The following PDGFD variants were observed in gnomAD, a reference collection of about 807,000 sequenced individuals.
The protein encoded by PDGFD is platelet derived growth factor D, also known as platelet-derived growth factor D.
A neutral mutation model predicts 44.7 loss-of-function variants in PDGFD; 30 were observed. The observed-to-expected ratio is 0.67, with a 90% CI of 0.50 to 0.91. The LOEUF (loss-of-function observed/expected upper bound fraction) is 0.91, where lower values mean the gene tolerates loss of function less well. Ranked by LOEUF, PDGFD falls within the 40% of genes least tolerant of loss-of-function variation. The pLI is 0.00. For synonymous variants in PDGFD, 173 were observed against 168.4 expected (o/e 1.03, Z -0.21); for missense variants, 445 against 457.8 (o/e 0.97, Z 0.25).
chr11:103,953,386 GA>G (rs958207788), intron 3 of PDGFD, among the ~76,000 whole-genome samples: 4 of 152,066 alleles, frequency 2.6e-5, no homozygotes, highest in East Asian at 1.9e-4. Flanking sequence ...AATATTGCTA[GA>G]AAAAAATGTA....
At chr11:104,045,816 A>T (rs1860432859) in intron 1 of PDGFD, among the ~76,000 whole-genome samples, 1 of 147,214 alleles carries the variant, frequency 6.8e-6, no homozygotes, top group Non-Finnish European at 1.5e-5. Flanking sequence ...GACTGCAAAA[A>T]GGGGTGAGGT....
rs144778420 is a variant in PDGFD, at chr11:104,076,651, C to T, written c.125-76396G>A. ...AGGCTCACATCCAGTAACTGTGACA[C>T]ATTCGTTCTGAAAGGCTAGTTAAAA... On this transcript the variant is annotated intron_variant, in intron 1 of 6. Coordinates refer to ENST00000393158, the MANE Select transcript of PDGFD (RefSeq NM_025208.5). 2.0e-3 allele frequency among the ~76,000 whole-genome samples: 304 copies of T among 152,212 alleles called. 3 individuals carry two copies. In the Middle Eastern group the frequency reaches 0.02, roughly 10 times the overall value.
At chr11:103,951,603 T>C (rs1858758581) in intron 3 of PDGFD, among the ~76,000 whole-genome samples, 1 of 152,192 alleles carries the variant, frequency 6.6e-6, no homozygotes, top group Non-Finnish European at 1.5e-5. Context: ...CCTCCACTCC[T>C]GCTACACTGG....
chr11:103,928,177 G>A (rs376173430), intron 5 of PDGFD, among the ~76,000 whole-genome samples: 8 of 152,268 alleles, frequency 5.3e-5, no homozygotes, highest in Admixed American at 1.3e-4. Context: ...ATTTGATTTC[G>A]TGTTCTCCAA....
chr11:104,019,195 G>C (rs1441226164), intron 1 of PDGFD, among the ~76,000 whole-genome samples: 2 of 152,162 alleles, frequency 1.3e-5, no homozygotes, highest in East Asian at 3.9e-4. Flanking sequence ...GAAAGGCTAA[G>C]GATTATATTT....
intron 5 of PDGFD, among the ~76,000 whole-genome samples, chr11:103,941,862 G>C (rs996041445): frequency 6.6e-6 from 1 of 151,964 alleles, no homozygotes; most frequent in Non-Finnish European, 1.5e-5. Context: ...TTTCCTCTGG[G>C]GTTTTCAAAA....
chr11:104,118,284 A>G (rs949187868), intron 1 of PDGFD, among the ~76,000 whole-genome samples: 1 of 151,760 alleles, frequency 6.6e-6, no homozygotes, highest in Non-Finnish European at 1.5e-5. Flanking sequence ...CCTTATAAGA[A>G]GAGACACAAG....
At chr11:104,109,447 C>T (rs1442735162) in intron 1 of PDGFD, among the ~76,000 whole-genome samples, 1 of 152,066 alleles carries the variant, frequency 6.6e-6, no homozygotes, top group Non-Finnish European at 1.5e-5. Context: ...TCAATAAATG[C>T]TATTGATGTA....
At chr11:103,925,403 A>ATATTTTAAAACATATTT (rs892395462) in intron 6 of PDGFD, among the ~76,000 whole-genome samples, 16 of 151,908 alleles carry the variant, frequency 1.1e-4, no homozygotes, top group Admixed American at 9.9e-4. Context: ...ATTTTAGTTT[A>ATATTTTAAAACATATTT]TATTTTAAAA....
chr11:103,995,588 T>A (rs1217873083), intron 3 of PDGFD, among the ~76,000 whole-genome samples: 1 of 152,238 alleles, frequency 6.6e-6, no homozygotes, highest in Non-Finnish European at 1.5e-5. Context: ...TGAGGCTCTA[T>A]GATTATAACA....
chr11:104,064,714 T>C (rs1177622267), intron 1 of PDGFD, among the ~76,000 whole-genome samples: 5 of 152,212 alleles, frequency 3.3e-5, no homozygotes, highest in Non-Finnish European at 7.3e-5. Flanking sequence ...AATGGCTATG[T>C]TTTGGTCATA....
intron 1 of PDGFD, among the ~76,000 whole-genome samples, chr11:104,139,015 G>T (rs1044813777): frequency 6.6e-6 from 1 of 152,174 alleles, no homozygotes; most frequent in South Asian, 2.1e-4. Context: ...GCCTGCCTCA[G>T]AATCCCAAAG....
chr11:104,142,194 CAT>C (rs1353563363), intron 1 of PDGFD, among the ~76,000 whole-genome samples: 1 of 151,878 alleles, frequency 6.6e-6, no homozygotes, highest in Non-Finnish European at 1.5e-5. Context: ...CCTGTACATA[CAT>C]ATGTTAAATA....
chr11:103,953,030 T>C (rs1373184694), intron 3 of PDGFD, among the ~76,000 whole-genome samples: 3 of 152,158 alleles, frequency 2.0e-5, no homozygotes. Context: ...CTTAAAGTGC[T>C]ACATGAAAAC....
At chr11:104,110,324 AG>A (rs1783315933) in intron 1 of PDGFD, among the ~76,000 whole-genome samples, 1 of 151,954 alleles carries the variant, frequency 6.6e-6, no homozygotes, top group Admixed American at 6.6e-5. Flanking sequence ...ATTAAATTAA[AG>A]AATTGAGATT....
intron 6 of PDGFD, among the ~76,000 whole-genome samples, chr11:103,912,630 T>C (rs1442101969): frequency 6.6e-6 from 1 of 152,092 alleles, no homozygotes; most frequent in Admixed American, 6.5e-5. Flanking sequence ...CACATAATAA[T>C]ATTAACCTTA....
chr11:103,952,241 A>G (rs886660988), intron 3 of PDGFD, among the ~76,000 whole-genome samples: 1 of 152,246 alleles, frequency 6.6e-6, no homozygotes, highest in Admixed American at 6.5e-5. Flanking sequence ...AAAATAGAAC[A>G]AACAGTGAAT....
intron 3 of PDGFD, among the ~76,000 whole-genome samples, chr11:103,969,943 TAC>T (rs1293171600): frequency 6.6e-6 from 1 of 151,988 alleles, no homozygotes; most frequent in Non-Finnish European, 1.5e-5. Flanking sequence ...TTTAAAACAA[TAC>T]AGAGTTTCCC....
intron 1 of PDGFD, among the ~76,000 whole-genome samples, chr11:104,119,493 T>C (rs1205654078): frequency 1.2e-5 from 1 of 80,636 alleles, no homozygotes; most frequent in African/African-American, 5.2e-5. Context: ...ATATAATATA[T>C]TGATATAATA....
Sources: gnomAD v4.1 joint callset for allele counts (sites outside exome capture counted in the v4.1 genomes callset) on GRCh38, gnomAD v4.1.1 for gene constraint, MANE v1.5 for transcripts, NCBI Gene and HGNC (gene_info 2026-07-23, HGNC 2026-07-21) for gene names.